The following NCAPD2 variants were observed in gnomAD, a reference collection of about 807,000 sequenced individuals.
NCAPD2 encodes non-SMC condensin I complex subunit D2.
NCAPD2 carries 100 observed loss-of-function variants against 164.5 expected under a neutral mutation model. The observed-to-expected ratio is 0.61, with a 90% CI of 0.52 to 0.72. The LOEUF is 0.72. Among genes scored for constraint, NCAPD2 ranks in the 30% least tolerant of loss-of-function variants. The pLI is 0.00. For missense variants in NCAPD2, 1,560 were observed against 1,749.2 expected (o/e 0.89, Z 1.93); for synonymous variants, 585 against 642.6 (o/e 0.91, Z 1.36).
rs1565541649 is a variant in NCAPD2 at position 6,511,090 on chromosome 12, G to GTA, written c.445-17_445-16dup. On this transcript the variant is annotated intron_variant, in intron 5 of 31. Transcript: ENST00000315579. ...TTTTTTCCCTTATTTTTTCCTCAAT[G>GTA]TATACATGATCCTTTTTAGGGTAAG... is the stretch of plus-strand genomic sequence containing the variant. 1 of 1,611,898 alleles carries GTA rather than the reference G, an allele frequency of 6.2e-7. No individual in the cohort carries two copies. Among genetic ancestry groups the GTA allele is most frequent in the African/African-American group, 1.3e-5 (1 of 74,784 alleles).
intron 6 of NCAPD2, among the ~76,000 whole-genome samples, chr12:6,512,080 G>T (rs1946154090): frequency 6.6e-6 from 1 of 151,716 alleles, no homozygotes; most frequent in East Asian, 1.9e-4. Flanking sequence ...AGGAGATCGA[G>T]ACCACGGTGA....
chr12:6,523,403 T>TTG, intron 17 of NCAPD2, 57 bp downstream of exon 17: 2 of 1,417,412 alleles, frequency 1.4e-6, no homozygotes, highest in Non-Finnish European at 1.9e-6. Flanking sequence ...TGGTTGTTTT[T>TTG]TTTTTTTTTT....
rs1946375598 is a variant in NCAPD2, at chr12:6,531,685, A to G, written c.*273A>G. 13 of 446,578 alleles carry G rather than the reference A, an allele frequency of 2.9e-5. No individual in the cohort carries two copies. The highest frequency in any genetic ancestry group is 2.3e-4 in the South Asian group (11 of 48,238). 27.7% of individuals were successfully genotyped at this position (446,578 alleles called of 1,614,324 possible). The stretch of plus-strand genomic sequence containing the variant: ...CCGGGCGTATTGGCGTGCGCCTGTA[A>G]TCCCAGCTACTCAAGAGGCTGAGGC... On this transcript the variant is annotated 3_prime_UTR_variant, in exon 32 of 32. Transcript: ENST00000315579. This position sits in a 1 kb window ranked among gnomAD's most constrained non-coding sequence, Gnocchi z 4.1.
chr12:6,518,951 T>A (rs1270331334), intron 13 of NCAPD2, among the ~76,000 whole-genome samples: 1 of 151,874 alleles, frequency 6.6e-6, no homozygotes, highest in Non-Finnish European at 1.5e-5. Flanking sequence ...AGTGGTGCGA[T>A]CTTGGCTCAC....
chr12:6,495,264 A>G (rs774394232), intron 2 of NCAPD2, 39 bp downstream of exon 2: 212 of 1,609,194 alleles, frequency 1.3e-4, no homozygotes, highest in Non-Finnish European at 1.7e-4. Flanking sequence ...AGCTCTTTCA[A>G]AGGACCATCT....
At chr12:6,529,145 C>A in intron 27 of NCAPD2, 106 bp downstream of exon 27, 1 of 994,886 alleles carries the variant, frequency 1.0e-6, no homozygotes, top group Non-Finnish European at 1.5e-6. Context: ...GCTGTACAGC[C>A]TTCGGCAATA....
Position 6,528,384 on chromosome 12 carries a change from GAGTC to G in NCAPD2, c.3299+60_3299+63del. 6.2e-7 allele frequency: 1 copy of G among 1,601,248 alleles called. No individual in the cohort carries two copies. Among genetic ancestry groups the G allele is most frequent in the Non-Finnish European group, 8.5e-7 (1 of 1,170,584 alleles). On this transcript the variant is annotated intron_variant, in intron 25 of 31. Transcript: ENST00000315579. This position sits in a 1 kb window ranked among gnomAD's most constrained non-coding sequence, Gnocchi z 5.1. ...TCCCAGGAGCCCCGGAGTCTGTTGA[GAGTC>G]AGTGTGAGAATCACCAGGGCTCTTC...
At chr12:6,521,246 G>A in intron 14 of NCAPD2, 136 bp downstream of exon 14, 1 of 1,095,362 alleles carries the variant, frequency 9.1e-7, no homozygotes, top group Non-Finnish European at 1.3e-6. Context: ...CATTACTTTT[G>A]CTCTGGAATG....
chr12:6,496,037 A>G (rs1434084180), intron 2 of NCAPD2, among the ~76,000 whole-genome samples: 1 of 149,578 alleles, frequency 6.7e-6, no homozygotes, highest in Non-Finnish European at 1.5e-5. Context: ...TGGTTGCTAG[A>G]TTGCAACTTC....
chr12:6,518,479 C>CA (rs1423004530), intron 13 of NCAPD2, among the ~76,000 whole-genome samples: 27 of 121,378 alleles, frequency 2.2e-4, no homozygotes, highest in African/African-American at 8.9e-4. Context: ...AACTTAACAA[C>CA]AAAAGCCCTT....
chr12:6,509,025 A>G (rs1414263429), intron 2 of NCAPD2, among the ~76,000 whole-genome samples: 2 of 152,150 alleles, frequency 1.3e-5, no homozygotes, highest in African/African-American at 4.8e-5. Flanking sequence ...CCTGACAACT[A>G]AGTGCATTGT....
chr12:6,521,172 A>T, intron 14 of NCAPD2, 62 bp downstream of exon 14: 1 of 1,582,444 alleles, frequency 6.3e-7, no homozygotes, highest in Non-Finnish European at 8.6e-7. Context: ...ACTGAGCATT[A>T]ACTTTATGCC....
At chr12:6,520,964 T>C (rs753816839) in intron 13 of NCAPD2, 22 bp from the exon 14 acceptor site, 12 of 1,613,542 alleles carry the variant, frequency 7.4e-6, no homozygotes, top group South Asian at 1.1e-5. Context: ...TTCTGGGTAC[T>C]GACAGGCTGG....
rs1235096840 is a variant in NCAPD2, at chr12:6,528,929, T to G, written c.3478-16T>G. ...GGTCACCTCATCTCCTTAACATGGC[T>G]CTCTCTGTCTTACAGGGCAACGCAA... On this transcript the variant is annotated splice_polypyrimidine_tract_variant and intron_variant, in intron 26 of 31. Coordinates refer to ENST00000315579, the MANE Select transcript of NCAPD2 (RefSeq NM_014865.4). The surrounding 1 kb of genome is among the most constrained non-coding windows in gnomAD (Gnocchi z 5.1). 3.1e-6 allele frequency: 5 copies of G among 1,613,786 alleles called. No individual in the cohort carries two copies. The highest frequency in any genetic ancestry group is 4.2e-6 in the Non-Finnish European group (5 of 1,179,690).
chr12:6,513,735 T>TTTTTTTGTTTTTTTTTGTTTTTGC (rs1343281456), intron 6 of NCAPD2, among the ~76,000 whole-genome samples: 1 of 92,820 alleles, frequency 1.1e-5, no homozygotes, highest in African/African-American at 4.5e-5. Context: ...TTTTTTTTTG[T>TTTTTTTGTTTTTTTTTGTTTTTGC]GATGGAGTCT....
In NCAPD2 at chr12:6,517,793, C is replaced by T. The variant is rs1946218418; in HGVS notation, c.1423C>T (p.Pro475Ser). The T allele has an allele frequency of 1.2e-6, 2 of 1,613,968 alleles. No homozygotes were observed. Among genetic ancestry groups the T allele is most frequent in the East Asian group, 4.5e-5 (2 of 44,894 alleles). Reference protein sequence around the residue: ...RTAAASAVLDPEEEWEAMLPE... With the variant: ...RTAAASAVLDSEEEWEAMLPE... ...CTCTCATTTAGCTGCAGTGCTGGAC[C>T]CAGAGGAGGAGTGGGAAGCCATGCT... is the stretch of plus-strand genomic sequence containing the variant. The change falls in exon 13 of 32, where the codon CCA becomes TCA. Residue 475 changes from proline to serine, a missense_variant. Physicochemically the swap from Pro to Ser is moderately conservative, Grantham distance 74. Transcript: ENST00000315579.
chr12:6,522,886 C>T lies in NCAPD2; in HGVS notation c.2013C>T (p.Ala671=). 2 of 1,613,976 alleles carry T rather than the reference C, an allele frequency of 1.2e-6. No individual in the cohort carries two copies. The highest frequency in any genetic ancestry group is 2.2e-5 in the East Asian group (1 of 44,860). ...TCTTCCAATTTGGGGTACCCCAGGC[C>T]CTGTTTGGGGTGCGCCGTATGCTGC... is the stretch of plus-strand genomic sequence containing the variant. The part of the protein sequence containing the change: ...VMVFQFGVPQ[A]LFGVRRMLPL... The change falls in exon 16 of 32, where the codon GCC becomes GCT. Residue 671 remains alanine, a synonymous_variant. Transcript: ENST00000315579.
In NCAPD2 at chr12:6,523,288, ATC is replaced by A. The variant is rs1178456375; in HGVS notation, c.2164_2165del (p.Leu722AlafsTer14). 3.7e-6 allele frequency: 6 copies of A among 1,613,942 alleles called. No homozygotes were observed. The African/African-American group carries it at 8.0e-5, about 22-fold the overall frequency. On this transcript the variant is annotated frameshift_variant, in exon 17 of 32. Transcript: ENST00000315579. LOFTEE classifies it high-confidence loss of function. ...GCCAAGGCCCAGGCTTTGATTCAGA[ATC>A]TCTCTCTGCTGCTAGTGGATGCCTC...
intron 13 of NCAPD2, among the ~76,000 whole-genome samples, chr12:6,519,658 C>T (rs916928579): frequency 1.3e-5 from 2 of 152,080 alleles, no homozygotes; most frequent in African/African-American, 4.8e-5. Flanking sequence ...TCTCTGCCCA[C>T]TGATCTACCA....
Sources: gnomAD v4.1 joint callset for allele counts (sites outside exome capture counted in the v4.1 genomes callset) on GRCh38, gnomAD v4.1.1 for gene constraint, Gnocchi (gnomAD v3.1) non-coding constraint, MANE v1.5 for transcripts, NCBI Gene and HGNC (gene_info 2026-07-23, HGNC 2026-07-21) for gene names.